The following FRMD6 variants were observed in gnomAD, a reference collection of about 807,000 sequenced individuals.
FRMD6 encodes the protein FERM domain containing 6.
In FRMD6, 37 loss-of-function variants were observed where a neutral mutation model predicts 73.2. The observed-to-expected ratio is 0.51, with a 90% confidence interval of 0.39 to 0.66. The LOEUF (loss-of-function observed/expected upper bound fraction) is 0.66, where lower values mean the gene tolerates loss of function less well. Among genes scored for constraint, FRMD6 ranks in the 30% least tolerant of loss-of-function variants. The pLI is 0.00. For missense variants in FRMD6, 714 were observed against 780.5 expected (o/e 0.91, Z 1.02); for synonymous variants, 273 against 282.2 (o/e 0.97, Z 0.33).
intron 11 of FRMD6, among the ~76,000 whole-genome samples, 188 bp from the exon 12 acceptor site, chr14:51,721,761 G>GGGAAGGAGGGACGGAGGGAAGGAA: frequency 7.3e-6 from 1 of 137,340 alleles, no homozygotes; most frequent in Admixed American, 7.1e-5. Context: ...GAAGGAAGGA[G>GGGAAGGAGGGACGGAGGGAAGGAA]GGAAGGAGGG....
intron 2 of FRMD6, among the ~76,000 whole-genome samples, chr14:51,632,095 C>T (rs999051040): frequency 1.3e-5 from 2 of 152,298 alleles, no homozygotes; most frequent in South Asian, 2.1e-4. Flanking sequence ...AGTGAGTTCT[C>T]AAGAGATCTG....
intron 2 of FRMD6, among the ~76,000 whole-genome samples, chr14:51,602,670 T>C (rs1890086193): frequency 6.6e-6 from 1 of 152,226 alleles, no homozygotes; most frequent in Admixed American, 6.5e-5. Context: ...AAATATTTAC[T>C]ACCTGCCCCT....
chr14:51,664,438 A>G lies in FRMD6; in HGVS notation c.-147+12442A>G, dbSNP rs376364956. Among the ~76,000 whole-genome samples, 13 of 152,336 alleles carry G rather than the reference A, an allele frequency of 8.5e-5. No homozygotes were observed. The East Asian group carries it at 2.3e-3, about 27-fold the overall frequency. On this transcript the variant is annotated intron_variant, in intron 1 of 13. Coordinates refer to ENST00000344768, the MANE Select transcript of FRMD6 (RefSeq NM_001267046.2). ...ATCAAAATGAATCAACAGGTGTCTG[A>G]TACTAATTATCTTCTCTTTCTCTAA...
At chr14:51,441,647 G>C in the FRMD6 span, among the ~76,000 whole-genome samples, 1 of 152,196 alleles carries the variant, frequency 6.6e-6, no homozygotes, top group African/African-American at 2.4e-5. Flanking sequence ...GAGACAGATG[G>C]ACAGAGAGAA....
chr14:51,690,889 A>T (rs903352635), intron 2 of FRMD6, among the ~76,000 whole-genome samples: 1 of 152,136 alleles, frequency 6.6e-6, no homozygotes, highest in Non-Finnish European at 1.5e-5. Flanking sequence ...TATAATTTAC[A>T]TACTGCAAAG....
intron 1 of FRMD6, among the ~76,000 whole-genome samples, chr14:51,680,961 T>A (rs1264530170): frequency 6.6e-6 from 1 of 152,210 alleles, no homozygotes; most frequent in Non-Finnish European, 1.5e-5. Context: ...TCTATGACTC[T>A]TACTACAAAA....
rs759104648 is a variant in FRMD6, at chr14:51,553,744, C to T, written c.-209-16604C>T. ...TCATTTTTCTGGTGGCTTTTTCTAA[C>T]GCTGCTTTGGTCCTGAAGGAGTTGC... On this transcript the variant is annotated intron_variant, in intron 1 of 14. Transcript: ENST00000356218. Among the ~76,000 whole-genome samples, 25 of 152,216 alleles carry T rather than the reference C, an allele frequency of 1.6e-4. No individual in the cohort carries two copies. The East Asian group carries it at 2.7e-3, about 16-fold the overall frequency.
chr14:51,699,652 C>T (rs1319786412), intron 3 of FRMD6, among the ~76,000 whole-genome samples: 1 of 152,010 alleles, frequency 6.6e-6, no homozygotes. Flanking sequence ...TACTACTCCA[C>T]CAGCTTTGCA....
At position 51,683,572 on chromosome 14, in the gene FRMD6, C is replaced by T. The variant is rs146448985; in HGVS notation, c.-146-6119C>T. Among the ~76,000 whole-genome samples the T allele has an allele frequency of 2.4e-3, 366 of 152,100 alleles. 2 individuals are homozygous for T. The highest frequency in any genetic ancestry group is 7.6e-3 in the African/African-American group (314 of 41,494). On this transcript the variant is annotated intron_variant, in intron 1 of 13. Coordinates refer to ENST00000344768, the MANE Select transcript of FRMD6 (RefSeq NM_001267046.2). The stretch of plus-strand genomic sequence containing the variant: ...TCAAGGTGCTGGGATTACAGATGTG[C>T]GTCACTGTGCTTGGCTTTGACTCTT...
chr14:51,439,551 A>G, the FRMD6 span, among the ~76,000 whole-genome samples: 1 of 152,222 alleles, frequency 6.6e-6, no homozygotes, highest in Non-Finnish European at 1.5e-5. Context: ...AGAGAGTAAT[A>G]CTGCATCAGA....
At chr14:51,635,612 T>G (rs1406686831) in intron 2 of FRMD6, among the ~76,000 whole-genome samples, 1 of 152,206 alleles carries the variant, frequency 6.6e-6, no homozygotes, top group Non-Finnish European at 1.5e-5. Flanking sequence ...GGCAGATTAT[T>G]TAGCTTTTGA....
the FRMD6 span, among the ~76,000 whole-genome samples, chr14:51,420,978 T>C: frequency 8.6e-3 from 1,314 of 152,284 alleles, 21 homozygotes; most frequent in African/African-American, 0.029. Context: ...GGTTTCACCA[T>C]GTTGGCCAGG....
intron 1 of FRMD6, among the ~76,000 whole-genome samples, chr14:51,538,378 A>T (rs1286571916): frequency 6.6e-6 from 1 of 151,942 alleles, no homozygotes; most frequent in Non-Finnish European, 1.5e-5. Context: ...GTGTACTTTG[A>T]AGCACAAAAG....
chr14:51,687,394 GATTT>G (rs1446274169), intron 1 of FRMD6, among the ~76,000 whole-genome samples: 1 of 152,052 alleles, frequency 6.6e-6, no homozygotes, highest in Non-Finnish European at 1.5e-5. Flanking sequence ...TTCTTGAAAA[GATTT>G]ATATTGCAAA....
intron 1 of FRMD6, among the ~76,000 whole-genome samples, chr14:51,506,545 G>A (rs1250099135): frequency 6.6e-6 from 1 of 152,224 alleles, no homozygotes; most frequent in Admixed American, 6.5e-5. Flanking sequence ...AGTGCCCAGT[G>A]TTGAGGGTGA....
At chr14:51,489,839 G>A (rs1465242490) in intron 1 of FRMD6, among the ~76,000 whole-genome samples, 1 of 152,140 alleles carries the variant, frequency 6.6e-6, no homozygotes, top group Non-Finnish European at 1.5e-5. Flanking sequence ...TCCCTTTGAT[G>A]CACCGTTTTA....
chr14:51,645,835 C>A (rs1355746513), intron 2 of FRMD6, among the ~76,000 whole-genome samples: 1 of 152,106 alleles, frequency 6.6e-6, no homozygotes, highest in Non-Finnish European at 1.5e-5. Context: ...ATGCTTATAA[C>A]CTACCCAGGG....
intron 2 of FRMD6, among the ~76,000 whole-genome samples, chr14:51,594,546 C>T (rs569870492): frequency 6.6e-6 from 1 of 151,902 alleles, no homozygotes; most frequent in Non-Finnish European, 1.5e-5. Flanking sequence ...TCTGGCTGGT[C>T]TCGAACTCCC....
chr14:51,526,491 A>G (rs1379918241), intron 1 of FRMD6, among the ~76,000 whole-genome samples: 1 of 152,150 alleles, frequency 6.6e-6, no homozygotes, highest in East Asian at 1.9e-4. Context: ...ATGACTATGA[A>G]GTTTGTGTTT....
Sources: gnomAD v4.1 joint callset for allele counts (sites outside exome capture counted in the v4.1 genomes callset) on GRCh38, gnomAD v4.1.1 for gene constraint, MANE v1.5 for transcripts, NCBI Gene and HGNC (gene_info 2026-07-23, HGNC 2026-07-21) for gene names.